Variants in LRRC47 observed in about 807,000 individuals in gnomAD.
LRRC47 encodes leucine rich repeat containing 47, also known as leucine-rich repeat-containing protein 47.
A neutral mutation model predicts 40.9 loss-of-function variants in LRRC47; 31 were observed. That is an observed-to-expected ratio of 0.76 (90% CI 0.57 to 1.02). The LOEUF (loss-of-function observed/expected upper bound fraction) is 1.02, where lower values mean the gene tolerates loss of function less well. LRRC47 is among the 50% of genes least tolerant of loss of function. The probability of loss-of-function intolerance (pLI) is 0.00; values close to 1 mark genes in which losing one functional copy is unlikely to be tolerated. For synonymous variants in LRRC47, 427 were observed against 371.9 expected, an observed-to-expected ratio of 1.15 and a Z score of -1.70; for missense variants, 726 against 796.1, an observed-to-expected ratio of 0.91 and a Z score of 1.06.
At chr1:3,793,781 C>T (rs1206492590) in intron 1 of LRRC47, among the ~76,000 whole-genome samples, 2 of 152,150 alleles carry the variant, frequency 1.3e-5, no homozygotes, top group Non-Finnish European at 2.9e-5. Context: ...GGACCGTTTC[C>T]CACACCCCTA....
Position 3,796,015 on chromosome 1 carries a change from G to C in LRRC47, c.462C>G (p.Arg154=). Residue 154 remains arginine (R), a synonymous_variant, in exon 1 of 7, where the codon CGC becomes CGG. Coordinates refer to ENST00000378251, the MANE Select transcript of LRRC47 (RefSeq NM_020710.3). The part of the protein sequence containing the change: ...LPADLARCAP[R]LQSLNLTGNC... ...TGCCGGTGAGGTTGAGGCTCTGCAGGCGCGGGGCGCAGCGCGCCAGGTCGG... is the reference window on the plus strand; with the variant it reads ...TGCCGGTGAGGTTGAGGCTCTGCAGCCGCGGGGCGCAGCGCGCCAGGTCGG... 6.4e-7 allele frequency: 1 copy of C among 1,553,102 alleles called. No homozygotes were observed. Among genetic ancestry groups the C allele is most frequent in the Non-Finnish European group, 8.7e-7 (1 of 1,150,892 alleles).
rs1334869127 is a variant in LRRC47 at position 3,790,428 on chromosome 1, C to T, written c.616-3118G>A. Among the ~76,000 whole-genome samples, 3 of 152,232 alleles carry T rather than the reference C, an allele frequency of 2.0e-5. No homozygotes were observed. In the East Asian group the frequency reaches 5.8e-4, roughly 29 times the overall value. ...TACTAAGGCACCGTCCTGCCCACAT[C>T]AGCTGTTCAGGTAACATCTGTCCCA... On this transcript the variant is annotated intron_variant, in intron 1 of 6. Coordinates refer to ENST00000378251, the MANE Select transcript of LRRC47 (RefSeq NM_020710.3).
chr1:3,786,974 G>T lies in LRRC47; in HGVS notation c.952C>A (p.Pro318Thr), dbSNP rs751706701. ...LLRVLHVSENPVPLTVRVSPE... is the reference protein window; with the variant it reads ...LLRVLHVSENTVPLTVRVSPE... ...CTCACTCTGACTGTCAGAGGTACGG[G>T]GTTTTCAGAGACGTGCAGGACCCTG... The change falls in exon 2 of 7, where the codon CCC (proline) becomes ACC (threonine). Residue 318 changes from proline (P) to threonine (T), a missense_variant. Transcript: ENST00000378251. 1.9e-6 allele frequency: 3 copies of T among 1,611,288 alleles called. No individual in the cohort carries two copies. The African/African-American group carries it at 4.0e-5, about 22-fold the overall frequency.
At chr1:3,789,233 G>T (rs549522876) in intron 1 of LRRC47, among the ~76,000 whole-genome samples, 1 of 152,262 alleles carries the variant, frequency 6.6e-6, no homozygotes, top group Non-Finnish European at 1.5e-5. Flanking sequence ...TGGCTCCAGC[G>T]TTAGAACCAG....
At chr1:3,783,759 A>C in intron 4 of LRRC47, 1 of 517,518 alleles carries the variant, frequency 1.9e-6, no homozygotes, top group Non-Finnish European at 3.5e-6. Context: ...CCCCTGTGGA[A>C]TGGCCAATAC....
intron 1 of LRRC47, among the ~76,000 whole-genome samples, chr1:3,788,809 G>A (rs1643600554): frequency 6.6e-6 from 1 of 152,116 alleles, no homozygotes; most frequent in Non-Finnish European, 1.5e-5. Flanking sequence ...CAGTCAAGCA[G>A]GAACAGCATG....
At position 3,781,342 on chromosome 1, in the gene LRRC47, A is replaced by G; in HGVS notation, c.1504-6T>C. The G allele has an allele frequency of 3.7e-6, 6 of 1,611,062 alleles. No individual in the cohort carries two copies. Among genetic ancestry groups the G allele is most frequent in the South Asian group, 2.2e-5 (2 of 91,006 alleles). On this transcript the variant is annotated splice_region_variant and splice_polypyrimidine_tract_variant and intron_variant, in intron 6 of 6. Coordinates refer to ENST00000378251, the MANE Select transcript of LRRC47 (RefSeq NM_020710.3). Reference sequence around the variant, plus strand: ...TTTTTCATTTCTGCCATTTTCTGCAAATAAAAAATACCTTTTTAACCTGGA... The same window carrying G: ...TTTTTCATTTCTGCCATTTTCTGCAGATAAAAAATACCTTTTTAACCTGGA...
rs565496448 is a variant in LRRC47 at position 3,783,381 on chromosome 1, T to C, written c.1310+615A>G. On this transcript the variant is annotated intron_variant, in intron 4 of 6. Transcript: ENST00000378251. ...GTTGCAGTGAGCCAAGATCGTGCCA[T>C]TGCACTCCAGCCTGGGCGACAAGAG... 1.3e-4 allele frequency among the ~76,000 whole-genome samples: 18 copies of C among 142,662 alleles called. 1 individual carries two copies. Among genetic ancestry groups the C allele is most frequent in the African/African-American group, 3.2e-4 (12 of 37,134 alleles). 93.6% of individuals were successfully genotyped at this position (142,662 alleles called of 152,430 possible).
intron 2 of LRRC47, 25 bp from the exon 3 acceptor site, chr1:3,785,228 C>A: frequency 6.7e-7 from 1 of 1,488,342 alleles, no homozygotes; most frequent in Non-Finnish European, 9.0e-7. Context: ...CAGTGATGAG[C>A]AAGGTCTCTT....
chr1:3,785,093 G>A lies in LRRC47; in HGVS notation c.1188C>T (p.Asp396=). Residue 396 remains aspartate (D), a synonymous_variant, in exon 3 of 7, where the codon GAC becomes GAT. Transcript: ENST00000378251. ...GCAAAGGAGGCTGCAGCACCTTGAG[G>A]TCCTGTGGGGGCCGGGCGCAGTACA... The part of the protein sequence containing the change: ...PLLYCARPPQ[D]LKIVPLGRKE... 1 of 1,596,552 alleles carries A rather than the reference G, an allele frequency of 6.3e-7. No homozygotes were observed. The highest frequency in any genetic ancestry group is 8.5e-7 in the Non-Finnish European group (1 of 1,171,602).
chr1:3,792,514 G>A (rs1029313857), intron 1 of LRRC47, among the ~76,000 whole-genome samples: 2 of 150,834 alleles, frequency 1.3e-5, no homozygotes, highest in African/African-American at 4.9e-5. Context: ...AGGCTGGAGT[G>A]CAGTGGTGCA....
intron 2 of LRRC47, 131 bp downstream of exon 2, chr1:3,786,718 G>A: frequency 2.3e-6 from 2 of 858,516 alleles, no homozygotes; most frequent in South Asian, 1.8e-5. Flanking sequence ...GGAAACTGAA[G>A]CACACAGACA....
chr1:3,781,459 G>T, intron 6 of LRRC47, 53 bp downstream of exon 6: 1 of 1,580,538 alleles, frequency 6.3e-7, no homozygotes. Flanking sequence ...TCAAGGAGCA[G>T]AGCACCACTC....
In LRRC47 at chr1:3,795,868, C is replaced by T. The variant is rs1643669550; in HGVS notation, c.609G>A (p.Ser203=). The stretch of plus-strand genomic sequence containing the variant: ...CCGGGCAGCCCCCGCTGACCTTGAG[C>T]GAGGCCAGGTGGGCGATGTCGGGGC... ...ELSPDIAHLA[S]LKTLDLSNNQ... The change falls in exon 1 of 7, where the codon TCG becomes TCA. Residue 203 remains serine, a synonymous_variant. Transcript: ENST00000378251. 3.2e-6 allele frequency: 5 copies of T among 1,584,934 alleles called. No homozygotes were observed. In the East Asian group the frequency reaches 7.0e-5, roughly 22 times the overall value.
chr1:3,795,369 T>C (rs1643664116), intron 1 of LRRC47, among the ~76,000 whole-genome samples: 1 of 152,224 alleles, frequency 6.6e-6, no homozygotes, highest in Non-Finnish European at 1.5e-5. Flanking sequence ...TTTGGCTTTC[T>C]GTAAAACAGG....
chr1:3,782,517 C>T lies in LRRC47; in HGVS notation c.1413+144G>A, dbSNP rs533621382. On this transcript the variant is annotated intron_variant, in intron 5 of 6. Coordinates refer to ENST00000378251, the MANE Select transcript of LRRC47 (RefSeq NM_020710.3). ...CCATATTGGTCAGGCTGGTCTTGAA[C>T]TCCTGACCTCAGGTGATCCGCCCAC... 57 of 638,854 alleles carry T rather than the reference C, an allele frequency of 8.9e-5. No homozygotes were observed. The South Asian group carries it at 1.0e-3, about 12-fold the overall frequency. The allele number at this position is 638,854 out of a possible 1,614,324, so 39.6% of individuals were successfully genotyped here.
chr1:3,787,492 C>G (rs1231424116), intron 1 of LRRC47, among the ~76,000 whole-genome samples, 182 bp from the exon 2 acceptor site: 1 of 152,198 alleles, frequency 6.6e-6, no homozygotes, highest in Non-Finnish European at 1.5e-5. Flanking sequence ...GCTCTGCACC[C>G]CACATCAAAG....
At chr1:3,790,417 C>G (rs146370254) in intron 1 of LRRC47, among the ~76,000 whole-genome samples, 2 of 152,256 alleles carry the variant, frequency 1.3e-5, no homozygotes, top group South Asian at 4.1e-4. Context: ...AAGGCACCGT[C>G]CTGCCCACAT....
intron 1 of LRRC47, among the ~76,000 whole-genome samples, chr1:3,792,333 G>C (rs1363959625): frequency 6.6e-6 from 1 of 152,190 alleles, no homozygotes. Flanking sequence ...ATGGCCCAGG[G>C]GAAAGGGAAC....
Sources: gnomAD v4.1 joint callset for allele counts (sites outside exome capture counted in the v4.1 genomes callset) on GRCh38, gnomAD v4.1.1 for gene constraint, MANE v1.5 for transcripts, NCBI Gene and HGNC (gene_info 2026-07-23, HGNC 2026-07-21) for gene names.